The following PRKCE variants were observed in gnomAD, a reference collection of about 807,000 sequenced individuals.
The protein encoded by PRKCE is protein kinase C epsilon.
Under a neutral mutation model 85.4 loss-of-function variants are expected in PRKCE, and 16 were observed. The ratio of observed to expected loss-of-function variants is 0.19; its 90% CI spans 0.13 to 0.28. The LOEUF is 0.28. Ranked by LOEUF, PRKCE falls within the 10% of genes least tolerant of loss-of-function variation. The pLI is 1.00. For synonymous variants in PRKCE, 388 were observed against 371.5 expected (o/e 1.04, Z -0.51); for missense variants, 573 against 975.2 (o/e 0.59, Z 5.49).
In PRKCE at chr2:45,717,666, C is replaced by G. The variant is rs184947957; in HGVS notation, c.348+65218C>G. On this transcript the variant is annotated intron_variant, in intron 1 of 14. Transcript: ENST00000306156. ...GATGATGATATTTAATTTAGCCCGC[C>G]ATAGTAGTCTGCAAGGGATGTCCAG... 3.6e-3 allele frequency among the ~76,000 whole-genome samples: 550 copies of G among 152,288 alleles called. 5 individuals carry two copies. Among genetic ancestry groups the G allele is most frequent in the Non-Finnish European group, 3.5e-3 (238 of 68,030 alleles).
chr2:45,739,488 C>T (rs1437022930), intron 1 of PRKCE, among the ~76,000 whole-genome samples: 1 of 152,200 alleles, frequency 6.6e-6, no homozygotes, highest in African/African-American at 2.4e-5. Flanking sequence ...TCAGCTAATT[C>T]TGAAGACTCA....
chr2:45,794,809 T>A (rs1031849704), intron 1 of PRKCE, among the ~76,000 whole-genome samples: 1 of 151,186 alleles, frequency 6.6e-6, no homozygotes, highest in Non-Finnish European at 1.5e-5. Context: ...ATTGATCACC[T>A]ATAGAATCCT....
chr2:46,135,641 C>A (rs963877706), intron 11 of PRKCE, among the ~76,000 whole-genome samples: 1 of 150,908 alleles, frequency 6.6e-6, no homozygotes, highest in Non-Finnish European at 1.5e-5. Flanking sequence ...GAGAGATTTT[C>A]CCTGGAGATT....
chr2:46,102,770 T>C (rs1218067637), intron 11 of PRKCE, among the ~76,000 whole-genome samples: 1 of 152,202 alleles, frequency 6.6e-6, no homozygotes, highest in Non-Finnish European at 1.5e-5. Flanking sequence ...AGACTCTGAT[T>C]ATGGATTAGA....
intron 1 of PRKCE, among the ~76,000 whole-genome samples, chr2:45,766,904 G>C (rs1422752134): frequency 6.6e-6 from 1 of 152,204 alleles, no homozygotes; most frequent in African/African-American, 2.4e-5. Context: ...AGCCGGGCAT[G>C]ATGGCGTGTG....
At chr2:45,993,455 C>T (rs1196410726) in intron 6 of PRKCE, among the ~76,000 whole-genome samples, 1 of 152,098 alleles carries the variant, frequency 6.6e-6, no homozygotes, top group Non-Finnish European at 1.5e-5. Flanking sequence ...GAGTACATAA[C>T]TCAGGGGAAA....
chr2:45,915,654 T>A (rs1414333535), intron 2 of PRKCE, among the ~76,000 whole-genome samples: 1 of 152,204 alleles, frequency 6.6e-6, no homozygotes, highest in African/African-American at 2.4e-5. Flanking sequence ...ATTCGTATGA[T>A]CTTTTTCTCA....
At chr2:45,825,792 G>T (rs1435378167) in intron 1 of PRKCE, among the ~76,000 whole-genome samples, 2 of 152,144 alleles carry the variant, frequency 1.3e-5, no homozygotes, top group Non-Finnish European at 2.9e-5. Context: ...GGAGGCTGAG[G>T]CAGGAAGATC....
At chr2:46,097,327 G>A (rs1032850218) in intron 11 of PRKCE, among the ~76,000 whole-genome samples, 11 of 151,880 alleles carry the variant, frequency 7.2e-5, no homozygotes, top group Non-Finnish European at 1.5e-4. Flanking sequence ...GACCATCCTG[G>A]CTAACGCGGG....
intron 8 of PRKCE, among the ~76,000 whole-genome samples, chr2:46,005,321 C>T (rs962495737): frequency 1.1e-4 from 16 of 152,180 alleles, no homozygotes; most frequent in African/African-American, 3.6e-4. Flanking sequence ...GAGGGACTTA[C>T]ACTTGCAAAA....
At chr2:45,960,445 G>A (rs1363399191) in intron 2 of PRKCE, among the ~76,000 whole-genome samples, 1 of 152,208 alleles carries the variant, frequency 6.6e-6, no homozygotes, top group Non-Finnish European at 1.5e-5. Context: ...TTTTTCCACT[G>A]ATGGGCAGGG....
chr2:45,836,119 G>A (rs1468185552), intron 1 of PRKCE, among the ~76,000 whole-genome samples: 1 of 152,130 alleles, frequency 6.6e-6, no homozygotes, highest in Non-Finnish European at 1.5e-5. Flanking sequence ...ATAAGCTAAG[G>A]CCATGCATTC....
intron 10 of PRKCE, among the ~76,000 whole-genome samples, chr2:46,060,910 C>T (rs1014959555): frequency 7.3e-5 from 11 of 151,466 alleles, no homozygotes; most frequent in South Asian, 2.1e-4. Context: ...CGCAGGCGCA[C>T]GCCACCACAC....
At chr2:46,038,583 A>C (rs1239090146) in intron 10 of PRKCE, among the ~76,000 whole-genome samples, 3 of 151,762 alleles carry the variant, frequency 2.0e-5, no homozygotes, top group Admixed American at 6.6e-5. Flanking sequence ...TGTTCTACCA[A>C]TACTTGTCAT....
At chr2:46,101,645 T>G (rs1453729160) in intron 11 of PRKCE, among the ~76,000 whole-genome samples, 3 of 152,150 alleles carry the variant, frequency 2.0e-5, no homozygotes, top group Non-Finnish European at 4.4e-5. Context: ...GAACAACATG[T>G]GGGAACTGAA....
At chr2:45,739,105 C>G (rs1414085497) in intron 1 of PRKCE, among the ~76,000 whole-genome samples, 1 of 152,214 alleles carries the variant, frequency 6.6e-6, no homozygotes, top group Non-Finnish European at 1.5e-5. Flanking sequence ...CAAGTGGTGG[C>G]ACAAATGGCC....
At chr2:45,847,182 G>A (rs1343752010) in intron 2 of PRKCE, among the ~76,000 whole-genome samples, 2 of 152,150 alleles carry the variant, frequency 1.3e-5, no homozygotes, top group African/African-American at 4.8e-5. Context: ...GTAATTCCTG[G>A]AAGGACATTC....
intron 4 of PRKCE, among the ~76,000 whole-genome samples, chr2:45,979,992 T>A (rs1006337377): frequency 2.6e-5 from 4 of 152,158 alleles, no homozygotes; most frequent in African/African-American, 9.7e-5. Context: ...AAGGAAGTTT[T>A]TCCTTGACCT....
intron 2 of PRKCE, among the ~76,000 whole-genome samples, chr2:45,857,717 G>T (rs948399463): frequency 9.3e-5 from 14 of 150,306 alleles, no homozygotes; most frequent in Admixed American, 6.6e-4. Context: ...CCAGCATTTT[G>T]ATTTTTTTTT....
Sources: allele counts gnomAD v4.1 joint callset (sites outside exome capture counted in the v4.1 genomes callset), GRCh38; gene constraint gnomAD v4.1.1; transcripts MANE v1.5; gene names NCBI Gene and HGNC (gene_info 2026-07-23, HGNC 2026-07-21).